CCDC18: variants seen among roughly 807,000 people sequenced by gnomAD.
CCDC18 encodes coiled-coil domain-containing protein 18.
In CCDC18, 157 loss-of-function variants were observed where a neutral mutation model predicts 196.0. The observed-to-expected ratio is 0.80, with a 90% CI of 0.70 to 0.91. CCDC18 has a LOEUF of 0.91. CCDC18 is among the 40% of genes least tolerant of loss of function. The pLI is 0.00. For synonymous variants in CCDC18, 482 were observed against 529.2 expected (o/e 0.91, Z 1.22); for missense variants, 1,465 against 1,611.6 (o/e 0.91, Z 1.56).
intron 16 of CCDC18, among the ~76,000 whole-genome samples, chr1:93,223,295 T>C (rs1406128119): frequency 1.3e-5 from 2 of 152,194 alleles, no homozygotes; most frequent in African/African-American, 2.4e-5. Flanking sequence ...TTAACATCTT[T>C]AGCAGGTTTG....
At chr1:93,211,072 C>G in intron 10 of CCDC18, 146 bp downstream of exon 10, 1 of 702,248 alleles carries the variant, frequency 1.4e-6, no homozygotes, top group Admixed American at 2.7e-5. Context: ...GTCAGGAGTT[C>G]GAGACCAGCC....
rs560912402 is a variant in CCDC18, at chr1:93,256,384, T to C, written c.3392T>C (p.Ile1131Thr). 368 of 1,614,068 alleles carry C rather than the reference T, an allele frequency of 2.3e-4. 8 individuals are homozygous for C. The South Asian group carries it at 3.9e-3, about 17-fold the overall frequency. ...QYIATQYKEA[I>T]DLGQELRLTR... ...ATTGCCACTCAGTACAAGGAGGCCA[T>C]AGATTTGGGGCAAGAATTGAGGCTG... The change falls in exon 25 of 29, where the codon ATA (isoleucine) becomes ACA (threonine). Residue 1131 changes from isoleucine (I) to threonine (T), a missense_variant. By Grantham distance (89) the Ile-to-Thr change is moderately conservative (BLOSUM62 -1). Transcript: ENST00000690025.
At chr1:93,179,975 A>C, upstream of CCDC18, 1 of 1,434,598 alleles carries the variant, frequency 7.0e-7, no homozygotes, top group African/African-American at 1.5e-5. Flanking sequence ...CGTCCACCAG[A>C]AGTTTCTAAA....
intron 1 of CCDC18, among the ~76,000 whole-genome samples, 195 bp from the exon 2 acceptor site, chr1:93,183,165 A>G (rs1650020358): frequency 1.3e-5 from 2 of 152,166 alleles, no homozygotes; most frequent in South Asian, 2.1e-4. Context: ...TTGAAATTGT[A>G]TTGAATTCCT....
In CCDC18 at chr1:93,180,786, G is replaced by C; in HGVS notation, c.-69G>C. 1 of 1,367,670 alleles carries C rather than the reference G, an allele frequency of 7.3e-7. No homozygotes were observed. The highest frequency in any genetic ancestry group is 9.8e-7 in the Non-Finnish European group (1 of 1,021,894). 84.7% of individuals were successfully genotyped at this position (1,367,670 alleles called of 1,614,324 possible). A position where few individuals can be genotyped will look rare whatever the true frequency, so the allele number is the denominator to read the frequency against. On this transcript the variant is annotated 5_prime_UTR_variant, in exon 1 of 29. Transcript: ENST00000690025. ...CGAGTTGTGTCCGAGGCTTCCACGC[G>C]CAGGGGCCCGGGAAAGGGTCAGAGG...
intron 7 of CCDC18, 144 bp downstream of exon 7, chr1:93,202,132 A>G: frequency 1.8e-6 from 1 of 545,194 alleles, no homozygotes; most frequent in Non-Finnish European, 3.2e-6. Context: ...AACAATTTGT[A>G]AATGTTAGTT....
chr1:93,183,529 T>C, intron 2 of CCDC18, 34 bp downstream of exon 2: 2 of 1,459,998 alleles, frequency 1.4e-6, no homozygotes, highest in Non-Finnish European at 9.2e-7. Flanking sequence ...GAATTCACTG[T>C]GCCTTAAATA....
chr1:93,235,185 G>T (rs1257013780), intron 18 of CCDC18, among the ~76,000 whole-genome samples: 1 of 151,890 alleles, frequency 6.6e-6, no homozygotes, highest in Non-Finnish European at 1.5e-5. Flanking sequence ...GAAGAACGGG[G>T]GATATGCAGG....
At chr1:93,192,216 T>G (rs1424838552) in intron 5 of CCDC18, 110 bp downstream of exon 5, 1 of 705,176 alleles carries the variant, frequency 1.4e-6, no homozygotes, top group Non-Finnish European at 2.4e-6. Context: ...AACCTAATGG[T>G]GTTCAGCTGT....
chr1:93,245,221 G>C (rs1171969865), intron 21 of CCDC18, among the ~76,000 whole-genome samples: 1 of 152,122 alleles, frequency 6.6e-6, no homozygotes, highest in Non-Finnish European at 1.5e-5. Flanking sequence ...TTAAGTTCTA[G>C]CTAACAGATG....
At chr1:93,235,761 C>T (rs1383803387) in intron 18 of CCDC18, among the ~76,000 whole-genome samples, 1 of 151,968 alleles carries the variant, frequency 6.6e-6, no homozygotes, top group Non-Finnish European at 1.5e-5. Context: ...TCCACAACAC[C>T]TATGAAGCAG....
intron 12 of CCDC18, among the ~76,000 whole-genome samples, chr1:93,215,530 C>T (rs1656350780): frequency 6.6e-6 from 1 of 150,624 alleles, no homozygotes; most frequent in Non-Finnish European, 1.5e-5. Flanking sequence ...GATCATAGCT[C>T]ACTGTAGCTT....
chr1:93,180,005 C>T, upstream of CCDC18: 2 of 1,563,140 alleles, frequency 1.3e-6, no homozygotes, highest in South Asian at 1.1e-5. Context: ...GGCGACAACG[C>T]AGTGCAGCTG....
At chr1:93,212,389 T>C in intron 11 of CCDC18, 128 bp downstream of exon 11, 1 of 515,272 alleles carries the variant, frequency 1.9e-6, no homozygotes, top group Non-Finnish European at 3.3e-6. Flanking sequence ...ATTTGTTACA[T>C]AGGTAAGCTT....
At chr1:93,266,775 C>T (rs896885635) in intron 27 of CCDC18, among the ~76,000 whole-genome samples, 11 of 152,204 alleles carry the variant, frequency 7.2e-5, no homozygotes, top group Non-Finnish European at 1.5e-4. Context: ...AGACCAACAA[C>T]AGGTTCTGAA....
intron 28 of CCDC18, chr1:93,273,699 C>CT (rs1411903000): frequency 1.3e-5 from 2 of 152,298 alleles, no homozygotes; most frequent in Admixed American, 6.5e-5. Flanking sequence ...GTACTGCACC[C>CT]TTTAAGAACC....
intron 28 of CCDC18, chr1:93,273,391 G>A (rs6541401): frequency 0.47 from 71,976 of 152,106 alleles, 20,219 homozygotes; most frequent in African/African-American, 0.79. Flanking sequence ...TTCTTAGTGA[G>A]ATAAGAAGCA....
At chr1:93,209,031 G>A (rs1047619285) in intron 9 of CCDC18, among the ~76,000 whole-genome samples, 8 of 151,430 alleles carry the variant, frequency 5.3e-5, no homozygotes, top group South Asian at 2.1e-4. Context: ...AGATCTTGGC[G>A]CACTGCAACC....
Position 93,270,487 on chromosome 1 carries a change from C to A in CCDC18, c.4026C>A (p.His1342Gln). The change falls in exon 28 of 29, where the codon CAC becomes CAA. Residue 1342 changes from histidine to glutamine, a missense_variant. Transcript: ENST00000690025. ...VQDPKFAKCF[H>Q]TSFSKCTKLR... ...ATCCAAAATTTGCTAAATGTTTTCA[C>A]ACATCTTTTTCCAAGTGTACAAAAT... is the stretch of plus-strand genomic sequence containing the variant. 6.4e-7 allele frequency: 1 copy of A among 1,550,396 alleles called. No homozygotes were observed.
Sources: gnomAD v4.1 joint callset for allele counts (sites outside exome capture counted in the v4.1 genomes callset) on GRCh38, gnomAD v4.1.1 for gene constraint, MANE v1.5 for transcripts, NCBI Gene and HGNC (gene_info 2026-07-23, HGNC 2026-07-21) for gene names.